Variants in ROBO2 observed in about 807,000 individuals in gnomAD.
ROBO2 encodes roundabout homolog 2.
In ROBO2, 53 loss-of-function variants were observed where a neutral mutation model predicts 160.8. The ratio of observed to expected loss-of-function variants is 0.33; its 90% confidence interval spans 0.26 to 0.41. The LOEUF (loss-of-function observed/expected upper bound fraction) is 0.41. Among genes scored for constraint, ROBO2 ranks in the 10% least tolerant of loss-of-function variants. ROBO2 has a pLI of 1.00. For synonymous variants in ROBO2, 664 were observed against 611.7 expected, an observed-to-expected ratio of 1.09 and a Z score of -1.26; for missense variants, 1,577 against 1,722.4, an observed-to-expected ratio of 0.92 and a Z score of 1.49.
intron 2 of ROBO2, among the ~76,000 whole-genome samples, chr3:77,172,021 G>A (rs149195327): frequency 1.3e-5 from 2 of 152,246 alleles, no homozygotes; most frequent in East Asian, 3.9e-4. Flanking sequence ...TCACCTCTTA[G>A]AGTCAATGTA....
intron 2 of ROBO2, among the ~76,000 whole-genome samples, chr3:76,875,975 C>A (rs921785499): frequency 1.3e-5 from 2 of 151,768 alleles, no homozygotes; most frequent in African/African-American, 4.8e-5. Context: ...TTATAAAGAC[C>A]CTATGATTAC....
chr3:76,335,785 C>T (rs2073847424), intron 2 of ROBO2, among the ~76,000 whole-genome samples: 1 of 152,006 alleles, frequency 6.6e-6, no homozygotes, highest in African/African-American at 2.4e-5. Flanking sequence ...ACCGTGTTAG[C>T]CAGGATGGTC....
rs79400097 is a variant in ROBO2 at position 76,460,754 on chromosome 3, A to G, written c.109+523152A>G. 9.6e-3 allele frequency among the ~76,000 whole-genome samples: 1,468 copies of G among 152,298 alleles called. 24 individuals carry two copies. Among genetic ancestry groups the G allele is most frequent in the African/African-American group, 0.034 (1,408 of 41,576 alleles). Reference sequence around the variant, plus strand: ...GCTAAAACTGCATAGCTAATCCACTATAGAGTTTCTGACCTGCGCAATATG... The same window carrying G: ...GCTAAAACTGCATAGCTAATCCACTGTAGAGTTTCTGACCTGCGCAATATG... On this transcript the variant is annotated intron_variant, in intron 2 of 26. Transcript: ENST00000487694.
chr3:76,705,314 C>A (rs954224111), intron 2 of ROBO2, among the ~76,000 whole-genome samples: 2 of 152,082 alleles, frequency 1.3e-5, no homozygotes, highest in Non-Finnish European at 2.9e-5. Context: ...TACAATATAG[C>A]TAATACAATT....
chr3:76,016,273 A>G (rs1454204201), intron 2 of ROBO2, among the ~76,000 whole-genome samples: 1 of 152,072 alleles, frequency 6.6e-6, no homozygotes, highest in East Asian at 1.9e-4. Flanking sequence ...TTTTAGAGGA[A>G]CAACTTTATC....
At chr3:77,367,036 C>A (rs1014218891) in intron 2 of ROBO2, among the ~76,000 whole-genome samples, 2 of 152,094 alleles carry the variant, frequency 1.3e-5, no homozygotes, top group Non-Finnish European at 2.9e-5. Context: ...ATACATTGCA[C>A]TGTAAGTTGT....
rs796735527 is a variant in ROBO2, at chr3:76,735,808, G to C, written c.110-362206G>C. Reference sequence around the variant, plus strand: ...AAAAGGGGAAAGGGAAAAGAAAAAAGAAAAACTCCCTATAGTACCTTTGAG... The same window carrying C: ...AAAAGGGGAAAGGGAAAAGAAAAAACAAAAACTCCCTATAGTACCTTTGAG... On this transcript the variant is annotated intron_variant, in intron 2 of 26. Coordinates refer to the ROBO2 transcript ENST00000487694. 6.0e-5 allele frequency among the ~76,000 whole-genome samples: 5 copies of C among 82,684 alleles called. No homozygotes were observed. The South Asian group carries it at 1.7e-3, about 27-fold the overall frequency. 54.2% of individuals were successfully genotyped at this position (82,684 alleles called of 152,430 possible).
chr3:76,115,662 AT>A (rs1480938058), intron 2 of ROBO2, among the ~76,000 whole-genome samples: 3 of 152,152 alleles, frequency 2.0e-5, no homozygotes, highest in African/African-American at 2.4e-5. Flanking sequence ...TTGTTAGGAA[AT>A]TTTTTTAAAA....
intron 2 of ROBO2, among the ~76,000 whole-genome samples, chr3:76,024,242 G>A (rs1052360674): frequency 3.3e-5 from 5 of 151,256 alleles, no homozygotes; most frequent in South Asian, 4.2e-4. Context: ...CCCTTAAATC[G>A]ATTATACTTT....
At chr3:75,991,320 T>C (rs1559811322) in intron 2 of ROBO2, among the ~76,000 whole-genome samples, 1 of 152,144 alleles carries the variant, frequency 6.6e-6, no homozygotes, top group Non-Finnish European at 1.5e-5. Context: ...ACTCCTACAA[T>C]TCTTATGTGT....
intron 2 of ROBO2, among the ~76,000 whole-genome samples, chr3:76,953,551 A>T (rs2079075291): frequency 6.6e-6 from 1 of 152,214 alleles, no homozygotes; most frequent in African/African-American, 2.4e-5. Context: ...ATACTCATGT[A>T]ATTCAGCATA....
intron 2 of ROBO2, among the ~76,000 whole-genome samples, chr3:77,308,436 A>C (rs1209119336): frequency 2.0e-5 from 3 of 152,078 alleles, no homozygotes; most frequent in African/African-American, 7.2e-5. Flanking sequence ...AAGAACCTAG[A>C]CTTCCTAAGT....
chr3:77,130,508 G>T (rs1201555543), intron 2 of ROBO2, among the ~76,000 whole-genome samples: 2 of 152,152 alleles, frequency 1.3e-5, no homozygotes, highest in Non-Finnish European at 2.9e-5. Flanking sequence ...ATTTATTTAT[G>T]AATGCATTCC....
Position 76,680,977 on chromosome 3 carries a change from A to G in ROBO2, c.110-417037A>G, listed in dbSNP as rs1229658569. ...CTTTTAGTAGAGACAGGGTTTCAGT[A>G]TGTTGCCCAGGCTGGTCTCGAACTC... is the stretch of plus-strand genomic sequence containing the variant. On this transcript the variant is annotated intron_variant, in intron 2 of 26. Transcript: ENST00000487694. Among the ~76,000 whole-genome samples the G allele has an allele frequency of 2.0e-5, 3 of 151,926 alleles. No individual in the cohort carries two copies. In the South Asian group the frequency reaches 6.2e-4, roughly 32 times the overall value.
intron 2 of ROBO2, among the ~76,000 whole-genome samples, chr3:76,913,994 G>GATACTCCTTTAGATGAGTTACTGTGAATA (rs1199450001): frequency 6.6e-6 from 1 of 151,664 alleles, no homozygotes; most frequent in Non-Finnish European, 1.5e-5. Context: ...AACTGTGAAT[G>GATACTCCTTTAGATGAGTTACTGTGAATA]ATACTCCTTT....
chr3:77,187,182 G>A (rs897993135), intron 2 of ROBO2, among the ~76,000 whole-genome samples: 7 of 151,996 alleles, frequency 4.6e-5, no homozygotes, highest in African/African-American at 1.7e-4. Flanking sequence ...CTTCTATGAA[G>A]TGGATAGGTT....
intron 2 of ROBO2, among the ~76,000 whole-genome samples, chr3:77,416,714 C>A (rs2077257836): frequency 3.1e-5 from 2 of 64,640 alleles, no homozygotes. Flanking sequence ...AAGATTCCAT[C>A]TCAAAAAAAA....
At chr3:76,470,594 C>T (rs980622338) in intron 2 of ROBO2, among the ~76,000 whole-genome samples, 3 of 152,084 alleles carry the variant, frequency 2.0e-5, no homozygotes, top group Non-Finnish European at 4.4e-5. Flanking sequence ...CAACAACTAC[C>T]TCAAGAGACT....
intron 2 of ROBO2, among the ~76,000 whole-genome samples, chr3:76,952,240 G>A (rs895195018): frequency 1.3e-5 from 2 of 151,986 alleles, no homozygotes; most frequent in African/African-American, 4.8e-5. Flanking sequence ...CTGAATTAGG[G>A]CATGATAAAG....
Sources: allele counts gnomAD v4.1 joint callset (sites outside exome capture counted in the v4.1 genomes callset), GRCh38; gene constraint gnomAD v4.1.1; transcripts MANE v1.5; gene names NCBI Gene and HGNC (gene_info 2026-07-23, HGNC 2026-07-21).